The following DDX55 variants were observed in gnomAD, a reference collection of about 807,000 sequenced individuals.
The protein encoded by DDX55 is ATP-dependent RNA helicase DDX55.
A neutral mutation model predicts 69.2 loss-of-function variants in DDX55; 56 were observed. That is an observed-to-expected ratio of 0.81 (90% CI 0.65 to 1.01). DDX55 has a LOEUF of 1.01. Among genes scored for constraint, DDX55 ranks in the 50% least tolerant of loss-of-function variants. DDX55 has a pLI of 0.00. For missense variants in DDX55, 720 were observed against 745.1 expected, an observed-to-expected ratio of 0.97 and a Z score of 0.39; for synonymous variants, 268 against 273.1, an observed-to-expected ratio of 0.98 and a Z score of 0.18.
At chr12:123,613,586 G>A (rs754078926) in intron 8 of DDX55, among the ~76,000 whole-genome samples, 1 of 152,112 alleles carries the variant, frequency 6.6e-6, no homozygotes. Flanking sequence ...ACTGAAGAAA[G>A]ATAAGGGGGG....
intron 7 of DDX55, among the ~76,000 whole-genome samples, chr12:123,612,599 T>G (rs181137091): frequency 3.0e-4 from 46 of 152,204 alleles, no homozygotes; most frequent in Admixed American, 7.8e-4. Flanking sequence ...CTGGGGGAAC[T>G]CTTAAATAAT....
intron 6 of DDX55, among the ~76,000 whole-genome samples, chr12:123,609,194 C>A (rs1954064258): frequency 6.6e-6 from 1 of 151,958 alleles, no homozygotes; most frequent in Non-Finnish European, 1.5e-5. Context: ...TTAAGTGATC[C>A]TCCTACCTAG....
chr12:123,602,343 C>A, intron 1 of DDX55, 87 bp downstream of exon 1: 1 of 1,267,298 alleles, frequency 7.9e-7, no homozygotes, highest in Non-Finnish European at 1.1e-6. Flanking sequence ...TCGGACAGAT[C>A]TGAGCCCTGG....
intron 7 of DDX55, among the ~76,000 whole-genome samples, chr12:123,612,841 A>G (rs965914579): frequency 6.6e-6 from 1 of 151,486 alleles, no homozygotes. Flanking sequence ...AAAAAGAAGA[A>G]AAAAAAAGGT....
chr12:123,616,715 C>A, intron 10 of DDX55, 112 bp downstream of exon 10: 1 of 1,176,010 alleles, frequency 8.5e-7, no homozygotes, highest in Non-Finnish European at 1.3e-6. Flanking sequence ...TTATAGCAAG[C>A]CTCCAGCGTG....
chr12:123,608,319 A>G (rs1954012298), intron 5 of DDX55: 1 of 181,918 alleles, frequency 5.5e-6, no homozygotes, highest in African/African-American at 2.4e-5. Flanking sequence ...TGTGAACCAT[A>G]TGGTCTCCAT....
chr12:123,620,581 TATATATA>T lies in DDX55; in HGVS notation c.*442_*448del, dbSNP rs1309929739. ...GTCACATATAGACATATGTACATATTATATATATATATATATATATATATATATATAT... is the reference window on the plus strand; with the variant it reads ...GTCACATATAGACATATGTACATATTTATATATATATATATATATATATAT... On this transcript the variant is annotated 3_prime_UTR_variant, in exon 14 of 14. Coordinates refer to ENST00000238146, the MANE Select transcript of DDX55 (RefSeq NM_020936.3). 1.1e-4 allele frequency: 1 copy of T among 8,940 alleles called. No homozygotes were observed. The highest frequency in any genetic ancestry group is 3.9e-3 in the East Asian group (1 of 254). The allele number at this position is 8,940 out of a possible 1,614,324, so 0.6% of individuals were successfully genotyped here.
chr12:123,620,622 ATATAT>A lies in DDX55; in HGVS notation c.*483_*487del, dbSNP rs1566211684. The A allele has an allele frequency of 6.4e-4, 65 of 101,584 alleles. No homozygotes were observed. The highest frequency in any genetic ancestry group is 1.1e-3 in the Non-Finnish European group (50 of 46,862). The allele number at this position is 101,584 out of a possible 1,614,324, so 6.3% of individuals were successfully genotyped here. A position where few individuals can be genotyped will look rare whatever the true frequency, so the allele number is the denominator to read the frequency against. ...TATATATATATATATATATATATAT[ATATAT>A]AAGCTCTTTTTTCTGAGGCTATTTT... On this transcript the variant is annotated 3_prime_UTR_variant, in exon 14 of 14. Transcript: ENST00000238146.
rs1953959084 is a variant in DDX55, at chr12:123,607,432, G to GTTGGAGCC, written c.248_255dup (p.Ile86LeufsTer4). On this transcript the variant is annotated frameshift_variant and splice_region_variant, in exon 4 of 14. Transcript: ENST00000238146. LOFTEE classifies it high-confidence loss of function. ...GTGTCCCTTCCTTCCATGTGGGTAGGTTGGAGCCATAATCATCACCCCCAC... is the reference window on the plus strand; with the variant it reads ...GTGTCCCTTCCTTCCATGTGGGTAGGTTGGAGCCTTGGAGCCATAATCATCACCCCCAC... 1 of 1,614,032 alleles carries GTTGGAGCC rather than the reference G, an allele frequency of 6.2e-7. No homozygotes were observed.
rs944056393 is a variant in DDX55, at chr12:123,606,297, G to C, written c.246+138G>C. 10 of 1,046,852 alleles carry C rather than the reference G, an allele frequency of 9.6e-6. No homozygotes were observed. The African/African-American group carries it at 1.1e-4, about 12-fold the overall frequency. The allele number at this position is 1,046,852 out of a possible 1,614,324, so 64.8% of individuals were successfully genotyped here. A position where few individuals can be genotyped will look rare whatever the true frequency, so the allele number is the denominator to read the frequency against. On this transcript the variant is annotated intron_variant, in intron 3 of 13. Transcript: ENST00000238146. The stretch of plus-strand genomic sequence containing the variant: ...TAATCCCAGCACTTTGGGAGACTGA[G>C]TCTGGAGGATCACTGGAGTCCAGGA...
chr12:123,602,502 GC>G (rs1953629177), intron 1 of DDX55, among the ~76,000 whole-genome samples: 1 of 152,206 alleles, frequency 6.6e-6, no homozygotes, highest in African/African-American at 2.4e-5. Flanking sequence ...TCTCATCCTG[GC>G]CCTGCTCGCT....
chr12:123,607,917 G>T, intron 5 of DDX55: 1 of 537,064 alleles, frequency 1.9e-6, no homozygotes. Context: ...GTCAGGGGCT[G>T]GGGGATGGTG....
Position 123,618,651 on chromosome 12 carries a change from G to T in DDX55, c.1165-18G>T. On this transcript the variant is annotated intron_variant, in intron 11 of 13. Transcript: ENST00000238146. ...GCCAGCCAGGGAAGGTGAGAATGTG[G>T]TATGTGTGTGTGTGTAGTGCCCCCT... The T allele has an allele frequency of 1.2e-6, 2 of 1,608,918 alleles. No individual in the cohort carries two copies. The highest frequency in any genetic ancestry group is 8.5e-7 in the Non-Finnish European group (1 of 1,177,126).
Position 123,608,783 on chromosome 12 carries a change from G to C in DDX55, c.505G>C (p.Val169Leu). The C allele has an allele frequency of 6.2e-7, 1 of 1,614,210 alleles. No homozygotes were observed. The highest frequency in any genetic ancestry group is 8.5e-7 in the Non-Finnish European group (1 of 1,180,036). Residue 169 changes from valine to leucine, a missense_variant, in exon 6 of 14, where the codon GTG becomes CTG. Val to Leu is a conservative substitution (Grantham distance 32). Transcript: ENST00000238146. ...CTGTGTGCGATCCCTGGATGTCCTG[G>C]TGTTGGATGAGGCAGACAGACTTCT... Reference protein sequence around the residue: ...ASCVRSLDVLVLDEADRLLDM... With the variant: ...ASCVRSLDVLLLDEADRLLDM...
At chr12:123,618,975 T>C in intron 12 of DDX55, 138 bp downstream of exon 12, 3 of 1,282,074 alleles carry the variant, frequency 2.3e-6, no homozygotes, top group Non-Finnish European at 2.1e-6. Context: ...CACTGGCTGC[T>C]GAGTATTCCT....
rs117200049 is a variant in DDX55, at chr12:123,613,230, G to A, written c.802G>A (p.Glu268Lys). The A allele has an allele frequency of 3.2e-4, 517 of 1,614,094 alleles. 5 individuals carry two copies. The East Asian group carries it at 0.011, about 34-fold the overall frequency. Residue 268 changes from glutamate (E) to lysine (K), a missense_variant, in exon 8 of 14, where the codon GAG becomes AAG. Transcript: ENST00000238146. ...CCATTTTCTTCGCAATCATAAGCAG[G>A]AGAAACACCTGGTCTTCTTCAGGTA... ...LVHFLRNHKQ[E>K]KHLVFFSTCA...
In DDX55 at chr12:123,602,156, A is replaced by G. The variant is rs768618106; in HGVS notation, c.8A>G (p.His3Arg). Residue 3 changes from histidine to arginine, a missense_variant, in exon 1 of 14, where the codon CAT becomes CGT. Transcript: ENST00000238146. ME[H>R]VTEGSWESLP... Reference sequence around the variant, plus strand: ...GCGGCGAAGGAGCGCGCCATGGAGCATGTGACAGAGGGCTCCTGGGAGTCG... The same window carrying G: ...GCGGCGAAGGAGCGCGCCATGGAGCGTGTGACAGAGGGCTCCTGGGAGTCG... 1.1e-5 allele frequency: 17 copies of G among 1,556,054 alleles called. No homozygotes were observed. The highest frequency in any genetic ancestry group is 3.5e-6 in the Non-Finnish European group (4 of 1,152,098).
chr12:123,613,347 T>C lies in DDX55; in HGVS notation c.824+95T>C. On this transcript the variant is annotated intron_variant, in intron 8 of 13. Transcript: ENST00000238146. ...GGGTTTTGGATTCCATCTAGCATGG[T>C]TCTCTCCGGAATGCTTTTGGCTGCA... 11 of 1,223,994 alleles carry C rather than the reference T, an allele frequency of 9.0e-6. No homozygotes were observed. The Admixed American group carries it at 2.3e-4, about 26-fold the overall frequency. The allele number at this position is 1,223,994 out of a possible 1,614,324, so 75.8% of individuals were successfully genotyped here.
chr12:123,616,612 C>T lies in DDX55; in HGVS notation c.1049+9C>T, dbSNP rs771572080. 51 of 1,612,806 alleles carry T rather than the reference C, an allele frequency of 3.2e-5. No individual in the cohort carries two copies. Among genetic ancestry groups the T allele is most frequent in the Non-Finnish European group, 3.9e-5 (46 of 1,178,982 alleles). On this transcript the variant is annotated intron_variant, in intron 10 of 13. Coordinates refer to ENST00000238146, the MANE Select transcript of DDX55 (RefSeq NM_020936.3). ...CCTCCCAGCAATGCAAGGTATGGTA[C>T]GAGGCTGCCACCCACTCTCTGTTGA... is the stretch of plus-strand genomic sequence containing the variant.
Sources: gnomAD v4.1 joint callset for allele counts (sites outside exome capture counted in the v4.1 genomes callset) on GRCh38, gnomAD v4.1.1 for gene constraint, MANE v1.5 for transcripts, NCBI Gene and HGNC (gene_info 2026-07-23, HGNC 2026-07-21) for gene names.